Variants in ABCA8 observed in about 807,000 individuals in gnomAD.
ABCA8 encodes the protein ABC-type organic anion transporter ABCA8.
In ABCA8, 177 loss-of-function variants were observed where a neutral mutation model predicts 192.3. The ratio of observed to expected loss-of-function variants is 0.92; its 90% CI spans 0.81 to 1.04. ABCA8 has a LOEUF of 1.04. Among genes scored for constraint, ABCA8 ranks in the 50% least tolerant of loss-of-function variants. The pLI is 0.00. For missense variants in ABCA8, 1,915 were observed against 1,904.8 expected, an observed-to-expected ratio of 1.01 and a Z score of -0.10; for synonymous variants, 642 against 690.2, an observed-to-expected ratio of 0.93 and a Z score of 1.09.
intron 37 of ABCA8, among the ~76,000 whole-genome samples, chr17:68,870,838 C>A (rs922546993): frequency 6.6e-6 from 1 of 152,138 alleles, no homozygotes; most frequent in Non-Finnish European, 1.5e-5. Flanking sequence ...ATCCTGATTT[C>A]AGTTCTTTTG....
At chr17:68,895,401 C>T (rs551224650) in intron 21 of ABCA8, among the ~76,000 whole-genome samples, 13 of 152,232 alleles carry the variant, frequency 8.5e-5, no homozygotes, top group Admixed American at 2.0e-4. Context: ...TGGAAGACAA[C>T]ATGTAGACTA....
At chr17:68,950,608 C>T (rs545528691) in intron 1 of ABCA8, among the ~76,000 whole-genome samples, 4 of 152,120 alleles carry the variant, frequency 2.6e-5, no homozygotes, top group Non-Finnish European at 4.4e-5. Flanking sequence ...AACAAAACAG[C>T]AGTTTACTGT....
At chr17:68,909,021 T>C (rs2067166594) in intron 17 of ABCA8, among the ~76,000 whole-genome samples, 1 of 152,178 alleles carries the variant, frequency 6.6e-6, no homozygotes, top group Non-Finnish European at 1.5e-5. Context: ...TGCTATTTTT[T>C]TAGAAGTAGT....
intron 1 of ABCA8, among the ~76,000 whole-genome samples, chr17:68,954,607 A>C (rs542648928): frequency 6.6e-6 from 1 of 152,190 alleles, no homozygotes; most frequent in Non-Finnish European, 1.5e-5. Flanking sequence ...CTTTTTACCA[A>C]TGTACATTTT....
At chr17:68,935,539 C>CATATATATATAT (rs1567877214) in intron 5 of ABCA8, among the ~76,000 whole-genome samples, 5 of 41,826 alleles carry the variant, frequency 1.2e-4, no homozygotes, top group African/African-American at 1.0e-4. Context: ...GAGTAGTATT[C>CATATATATATAT]CTATATATAT....
intron 21 of ABCA8, among the ~76,000 whole-genome samples, chr17:68,900,538 C>CAAAAAAA (rs35696026): frequency 1.0e-4 from 11 of 108,884 alleles, no homozygotes; most frequent in Admixed American, 9.1e-5. Flanking sequence ...CACAAAGTCT[C>CAAAAAAA]AAAAAAAAAA....
chr17:68,876,550 C>T lies in ABCA8; in HGVS notation c.4280G>A (p.Cys1427Tyr), dbSNP rs1016464822. 3 of 1,614,112 alleles carry T rather than the reference C, an allele frequency of 1.9e-6. No homozygotes were observed. Among genetic ancestry groups the T allele is most frequent in the Non-Finnish European group, 2.5e-6 (3 of 1,180,006 alleles). The change falls in exon 35 of 40, where the codon TGC (cysteine) becomes TAC (tyrosine). Residue 1427 changes from cysteine (C) to tyrosine (Y), a missense_variant. Coordinates refer to ENST00000586539, the MANE Select transcript of ABCA8 (RefSeq NM_001288985.2). ...GTTCCCCAGTATGCTCAGGACAAAGCACAGCTGCAACGGGAGGAACAGCCC... is the reference window on the plus strand; with the variant it reads ...GTTCCCCAGTATGCTCAGGACAAAGTACAGCTGCAACGGGAGGAACAGCCC... ...TLSEGIKRKL[C>Y]FVLSILGNPS...
At chr17:68,932,665 C>T (rs1253317307) in intron 6 of ABCA8, 151 bp from the exon 7 acceptor site, 5 of 609,656 alleles carry the variant, frequency 8.2e-6, no homozygotes, top group African/African-American at 7.4e-5. Context: ...CATTGACCTG[C>T]TGGGACCTCG....
Position 68,928,051 on chromosome 17 carries a change from C to A in ABCA8, c.1138G>T (p.Asp380Tyr). 2 of 1,584,524 alleles carry A rather than the reference C, an allele frequency of 1.3e-6. No individual in the cohort carries two copies. Among genetic ancestry groups the A allele is most frequent in the South Asian group, 1.2e-5 (1 of 84,628 alleles). The change falls in exon 10 of 40, where the codon GAC becomes TAC. Residue 380 changes from aspartate (D) to tyrosine (Y), a missense_variant. Coordinates refer to ENST00000586539, the MANE Select transcript of ABCA8 (RefSeq NM_001288985.2). ...AATGCATTAGAATTCAAATCATAGT[C>A]CAAGTGTAAAAGCTGAAAATTAAAA... is the stretch of plus-strand genomic sequence containing the variant. ...MLGMAQLLHLDYDLNSNAFPH... is the reference protein window; with the variant it reads ...MLGMAQLLHLYYDLNSNAFPH...
In ABCA8 at chr17:68,875,394, G is replaced by T; in HGVS notation, c.4497C>A (p.Ile1499=). 1 of 1,613,870 alleles carries T rather than the reference G, an allele frequency of 6.2e-7. No homozygotes were observed. The highest frequency in any genetic ancestry group is 1.1e-5 in the South Asian group (1 of 91,070). Residue 1499 remains isoleucine, a synonymous_variant, in exon 37 of 40, where the codon ATC becomes ATA. Coordinates refer to ENST00000586539, the MANE Select transcript of ABCA8 (RefSeq NM_001288985.2). ...TGCTTTTCAGGTGTTGGATGGAACC[G>T]ATACATCTGGAGGATGAGGTCATAT... ...AIMVSGRLRC[I]GSIQHLKSKF... is the part of the protein sequence containing the mutation.
At chr17:68,894,022 T>G in intron 23 of ABCA8, 151 bp downstream of exon 23, 1 of 830,436 alleles carries the variant, frequency 1.2e-6, no homozygotes, top group African/African-American at 1.7e-5. Context: ...AACGTATTGA[T>G]TTTCCAAAGT....
Position 68,887,925 on chromosome 17 carries a change from T to TATATGGATATA in ABCA8, c.3145-420_3145-419insTATATCCATAT. 4.0e-5 allele frequency among the ~76,000 whole-genome samples: 4 copies of TATATGGATATA among 101,032 alleles called. 1 individual carries two copies. The highest frequency in any genetic ancestry group is 7.5e-5 in the Non-Finnish European group (4 of 53,024). 66.3% of individuals were successfully genotyped at this position (101,032 alleles called of 152,430 possible). On this transcript the variant is annotated intron_variant, in intron 24 of 39. Transcript: ENST00000586539. ...ATATATATCCATATATATATATATA[T>TATATGGATATA]TATATATGGATATATATATTATATA...
intron 17 of ABCA8, among the ~76,000 whole-genome samples, chr17:68,913,166 A>C (rs1175850380): frequency 6.6e-6 from 1 of 152,176 alleles, no homozygotes; most frequent in Non-Finnish European, 1.5e-5. Context: ...TCAAGGAAGA[A>C]ATTAAGAAGG....
chr17:68,952,829 A>T (rs73998583), intron 1 of ABCA8, among the ~76,000 whole-genome samples: 3,584 of 152,272 alleles, frequency 0.024, 146 homozygotes, highest in African/African-American at 0.081. Context: ...ACCCCCTGGT[A>T]GGAGTAGTAG....
chr17:68,871,220 G>A (rs1241823953), intron 37 of ABCA8, among the ~76,000 whole-genome samples: 1 of 152,084 alleles, frequency 6.6e-6, no homozygotes, highest in Non-Finnish European at 1.5e-5. Context: ...ACTCAAGAGA[G>A]AGCCAAACTG....
In ABCA8 at chr17:68,869,635, G is replaced by A. The variant is rs770642129; in HGVS notation, c.4711+65C>T. Reference sequence around the variant, plus strand: ...GTCACATTTCATTTTTGTCATAAAGGTGATTATTTTATGATTTGAAATTAT... The same window carrying A: ...GTCACATTTCATTTTTGTCATAAAGATGATTATTTTATGATTTGAAATTAT... On this transcript the variant is annotated intron_variant, in intron 38 of 39. Transcript: ENST00000586539. 42 of 1,110,688 alleles carry A rather than the reference G, an allele frequency of 3.8e-5. 1 individual carries two copies. The Middle Eastern group carries it at 1.0e-3, about 27-fold the overall frequency. The allele number at this position is 1,110,688 out of a possible 1,614,324, so 68.8% of individuals were successfully genotyped here.
Position 68,875,716 on chromosome 17 carries a change from G to A in ABCA8, c.4388C>T (p.Thr1463Ile). 2 of 1,613,888 alleles carry A rather than the reference G, an allele frequency of 1.2e-6. No homozygotes were observed. The highest frequency in any genetic ancestry group is 1.7e-5 in the Admixed American group (1 of 59,944). Reference sequence around the variant, plus strand: ...GGCACCCCTTTCCGTGTTTCTAAAGGTGGCCCGGATGGCCTGCCTATAATG... The same window carrying A: ...GGCACCCCTTTCCGTGTTTCTAAAGATGGCCCGGATGGCCTGCCTATAATG... ...QQQMWQAIRA[T>I]FRNTERGALL... is the part of the protein sequence containing the mutation. The change falls in exon 36 of 40, where the codon ACC becomes ATC. Residue 1463 changes from threonine to isoleucine, a missense_variant. By Grantham distance (89) the Thr-to-Ile change is moderately conservative (BLOSUM62 -1). Transcript: ENST00000586539.
intron 10 of ABCA8, among the ~76,000 whole-genome samples, chr17:68,925,918 T>C (rs1262969002): frequency 3.9e-5 from 6 of 152,256 alleles, no homozygotes; most frequent in African/African-American, 1.2e-4. Flanking sequence ...CAGAGACAAT[T>C]AGGAAGAAAA....
rs2067801892 is a variant in ABCA8, at chr17:68,929,589, C to G, written c.911G>C (p.Ser304Thr). 4 of 1,613,426 alleles carry G rather than the reference C, an allele frequency of 2.5e-6. No homozygotes were observed. Among genetic ancestry groups the G allele is most frequent in the Non-Finnish European group, 3.4e-6 (4 of 1,179,726 alleles). Residue 304 changes from serine to threonine, a missense_variant, in exon 8 of 40, where the codon AGC becomes ACC. Coordinates refer to ENST00000586539, the MANE Select transcript of ABCA8 (RefSeq NM_001288985.2). Reference sequence around the variant, plus strand: ...AGATAATCCATACAGGAGAAAGAGGCTGAAGACTACCATGAAGCCAGACAA... The same window carrying G: ...AGATAATCCATACAGGAGAAAGAGGGTGAAGACTACCATGAAGCCAGACAA... ...IILSGFMVVFSLFLLYGLSLV... is the reference protein window; with the variant it reads ...IILSGFMVVFTLFLLYGLSLV...
Sources: allele counts gnomAD v4.1 joint callset (sites outside exome capture counted in the v4.1 genomes callset), GRCh38; gene constraint gnomAD v4.1.1; transcripts MANE v1.5; gene names NCBI Gene and HGNC (gene_info 2026-07-23, HGNC 2026-07-21).